SMIM1: variants seen among roughly 807,000 people sequenced by gnomAD.
The protein encoded by SMIM1 is small integral membrane protein 1 (Vel blood group).
A neutral mutation model predicts 7.7 loss-of-function variants in SMIM1; 7 were observed. The observed-to-expected ratio is 0.91, with a 90% CI of 0.52 to 1.71. The LOEUF (loss-of-function observed/expected upper bound fraction) is 1.71. Among genes scored for constraint, SMIM1 ranks in the 40% most tolerant of loss-of-function variants. SMIM1 has a pLI of 0.00. For synonymous variants in SMIM1, 41 were observed against 42.7 expected (o/e 0.96, Z 0.16); for missense variants, 95 against 102.8 (o/e 0.92, Z 0.33).
At chr1:3,774,876 C>A (rs933035763) in intron 2 of SMIM1, among the ~76,000 whole-genome samples, 2 of 152,104 alleles carry the variant, frequency 1.3e-5, no homozygotes, top group Admixed American at 6.5e-5. Context: ...CCCACCCCCC[C>A]CTCCCCTGGC....
rs1207554936 is a variant in SMIM1 at position 3,775,369 on chromosome 1, ACAGCATGC to A, written c.-4_4del. ...GCCCCGCCCCTCCCGCTGCAGCCCCACAGCATGCAGCCCCAGGAGAGCCACGTCCACTA... is the reference window on the plus strand; with the variant it reads ...GCCCCGCCCCTCCCGCTGCAGCCCCAAGCCCCAGGAGAGCCACGTCCACTA... On this transcript the variant is annotated start_lost and 5_prime_UTR_variant, in exon 3 of 4. Transcript: ENST00000642557. The surrounding 1 kb of genome is among the most constrained non-coding windows in gnomAD (Gnocchi z 5.3). The A allele has an allele frequency of 4.5e-6, 7 of 1,545,452 alleles. No individual in the cohort carries two copies. In the East Asian group the frequency reaches 9.8e-5, roughly 22 times the overall value.
chr1:3,773,795 G>A (rs1185211429), intron 2 of SMIM1, among the ~76,000 whole-genome samples: 1 of 152,194 alleles, frequency 6.6e-6, no homozygotes, highest in African/African-American at 2.4e-5. Flanking sequence ...GTTACCTGGG[G>A]CTGGCACATT....
Position 3,775,872 on chromosome 1 carries a change from T to A in SMIM1, c.188T>A (p.Ile63Asn). 6.4e-7 allele frequency: 1 copy of A among 1,550,908 alleles called. No individual in the cohort carries two copies. Among genetic ancestry groups the A allele is most frequent in the Non-Finnish European group, 8.7e-7 (1 of 1,146,916 alleles). Reference protein sequence around the residue: ...VLGGVALFWIIFILGYLTGYY... With the variant: ...VLGGVALFWINFILGYLTGYY... ...GGCGGCGTGGCCCTCTTCTGGATCA[T>A]CTTCATCCTGGGCTACCTCACAGGC... Residue 63 changes from isoleucine to asparagine, a missense_variant, in exon 4 of 4, where the codon ATC becomes AAC. By Grantham distance (149) the Ile-to-Asn change is moderately radical (BLOSUM62 -3). Transcript: ENST00000642557. This position sits in a 1 kb window ranked among gnomAD's most constrained non-coding sequence, Gnocchi z 5.3.
In SMIM1 at chr1:3,775,830, TCG is replaced by T. The variant is rs939022854; in HGVS notation, c.148_149del (p.Ala50HisfsTer?). On this transcript the variant is annotated frameshift_variant, in exon 4 of 4. Transcript: ENST00000642557. LOFTEE classifies it high-confidence loss of function. This position sits in a 1 kb window ranked among gnomAD's most constrained non-coding sequence, Gnocchi z 5.3. ...AGGCTGTGCACGGGCAAGCTGGGCATCGCCATGAAGGTGCTGGGCGGCGTGGC... is the reference window on the plus strand; with the variant it reads ...AGGCTGTGCACGGGCAAGCTGGGCATCCATGAAGGTGCTGGGCGGCGTGGC... The T allele has an allele frequency of 4.5e-6, 7 of 1,550,812 alleles. No homozygotes were observed. The Admixed American group carries it at 1.4e-4, about 30-fold the overall frequency.
Position 3,775,553 on chromosome 1 carries a change from CCCCTGCTACCGGCCCCATCA to C in SMIM1, c.110+75_110+94del. 1 of 1,390,684 alleles carries C rather than the reference CCCCTGCTACCGGCCCCATCA, an allele frequency of 7.2e-7. No individual in the cohort carries two copies. Among genetic ancestry groups the C allele is most frequent in the Non-Finnish European group, 9.8e-7 (1 of 1,020,736 alleles). The allele number at this position is 1,390,684 out of a possible 1,614,324, so 86.1% of individuals were successfully genotyped here. ...CTCCCTCCAGAGACGCCTGCCCTAA[CCCCTGCTACCGGCCCCATCA>C]CCCTCCACCCCATCCTGGCTGGGAG... On this transcript the variant is annotated intron_variant, in intron 3 of 3. Coordinates refer to ENST00000642557, the MANE Select transcript of SMIM1 (RefSeq NM_001288583.2). The surrounding 1 kb of genome is among the most constrained non-coding windows in gnomAD (Gnocchi z 5.3).
chr1:3,775,491 G>A lies in SMIM1; in HGVS notation c.110+8G>A, dbSNP rs547787287. On this transcript the variant is annotated splice_region_variant and intron_variant, in intron 3 of 3. Transcript: ENST00000642557. This position sits in a 1 kb window ranked among gnomAD's most constrained non-coding sequence, Gnocchi z 5.3. Reference sequence around the variant, plus strand: ...GGCCTCACGCTGCCGCAGGTGAGGGGCCTGAGGGCAGCCTGCCAGCCATAG... The same window carrying A: ...GGCCTCACGCTGCCGCAGGTGAGGGACCTGAGGGCAGCCTGCCAGCCATAG... 110 of 1,546,872 alleles carry A rather than the reference G, an allele frequency of 7.1e-5. No individual in the cohort carries two copies. In the East Asian group the frequency reaches 2.6e-3, roughly 36 times the overall value.
Position 3,775,577 on chromosome 1 carries a change from TC to T in SMIM1, c.110+96del. The T allele has an allele frequency of 7.7e-7, 1 of 1,299,200 alleles. No individual in the cohort carries two copies. The highest frequency in any genetic ancestry group is 1.0e-6 in the Non-Finnish European group (1 of 953,072). The allele number at this position is 1,299,200 out of a possible 1,614,324, so 80.5% of individuals were successfully genotyped here. A position where few individuals can be genotyped will look rare whatever the true frequency, so the allele number is the denominator to read the frequency against. On this transcript the variant is annotated intron_variant, in intron 3 of 3. Coordinates refer to ENST00000642557, the MANE Select transcript of SMIM1 (RefSeq NM_001288583.2). The surrounding 1 kb of genome is among the most constrained non-coding windows in gnomAD (Gnocchi z 5.3). ...ACCCCTGCTACCGGCCCCATCACCCTCCACCCCATCCTGGCTGGGAGCCCAC... is the reference window on the plus strand; with the variant it reads ...ACCCCTGCTACCGGCCCCATCACCCTCACCCCATCCTGGCTGGGAGCCCAC...
In SMIM1 at chr1:3,775,071, C is replaced by T. The variant is rs1643437279; in HGVS notation, c.-75-228C>T. ...GGAGTGTGCTGGAAGGAAACACTGG[C>T]CTCCCACATGCCTGAGGTCAGGGCT... On this transcript the variant is annotated intron_variant, in intron 2 of 3. Transcript: ENST00000642557. The surrounding 1 kb of genome is among the most constrained non-coding windows in gnomAD (Gnocchi z 5.3). Among the ~76,000 whole-genome samples, 1 of 152,144 alleles carries T rather than the reference C, an allele frequency of 6.6e-6. No homozygotes were observed. Among genetic ancestry groups the T allele is most frequent in the African/African-American group, 2.4e-5 (1 of 41,412 alleles).
rs760079589 is a variant in SMIM1 at position 3,775,941 on chromosome 1, C to T, written c.*20C>T. On this transcript the variant is annotated 3_prime_UTR_variant, in exon 4 of 4. Coordinates refer to ENST00000642557, the MANE Select transcript of SMIM1 (RefSeq NM_001288583.2). This position sits in a 1 kb window ranked among gnomAD's most constrained non-coding sequence, Gnocchi z 5.3. ...AAATAAATGCTGCCCCGCATGCACGCGGGGGGCTGGCCGCACACGTGAGAG... is the reference window on the plus strand; with the variant it reads ...AAATAAATGCTGCCCCGCATGCACGTGGGGGGCTGGCCGCACACGTGAGAG... 1.4e-4 allele frequency: 209 copies of T among 1,542,678 alleles called. No individual in the cohort carries two copies. Among genetic ancestry groups the T allele is most frequent in the Non-Finnish European group, 1.7e-4 (197 of 1,145,892 alleles).
chr1:3,774,707 C>A (rs970110842), intron 2 of SMIM1, among the ~76,000 whole-genome samples: 1 of 152,160 alleles, frequency 6.6e-6, no homozygotes, highest in Non-Finnish European at 1.5e-5. Flanking sequence ...ATCATGCCCC[C>A]CAAGCCCCAG....
At position 3,775,350 on chromosome 1, in the gene SMIM1, C is replaced by A. The variant is rs1265537205; in HGVS notation, c.-24C>A. ...TGATCTCCCCACCGAGAAGGCCCCG[C>A]CCCTCCCGCTGCAGCCCCACAGCAT... On this transcript the variant is annotated 5_prime_UTR_variant, in exon 3 of 4. Transcript: ENST00000642557. This position sits in a 1 kb window ranked among gnomAD's most constrained non-coding sequence, Gnocchi z 5.3. The A allele has an allele frequency of 5.2e-6, 8 of 1,536,232 alleles. No homozygotes were observed.
rs775193508 is a variant in SMIM1 at position 3,775,345 on chromosome 1, C to G, written c.-29C>G. 1.3e-6 allele frequency: 2 copies of G among 1,526,788 alleles called. No homozygotes were observed. Among genetic ancestry groups the G allele is most frequent in the South Asian group, 2.4e-5 (2 of 83,350 alleles). 94.6% of individuals were successfully genotyped at this position (1,526,788 alleles called of 1,614,324 possible). On this transcript the variant is annotated 5_prime_UTR_variant, in exon 3 of 4. Coordinates refer to ENST00000642557, the MANE Select transcript of SMIM1 (RefSeq NM_001288583.2). This position sits in a 1 kb window ranked among gnomAD's most constrained non-coding sequence, Gnocchi z 5.3. ...TGTCTTGATCTCCCCACCGAGAAGG[C>G]CCCGCCCCTCCCGCTGCAGCCCCAC... is the stretch of plus-strand genomic sequence containing the variant.
Position 3,775,360 on chromosome 1 carries a change from T to G in SMIM1, c.-14T>G. 1 of 1,540,562 alleles carries G rather than the reference T, an allele frequency of 6.5e-7. No individual in the cohort carries two copies. Among genetic ancestry groups the G allele is most frequent in the South Asian group, 1.2e-5 (1 of 83,590 alleles). The stretch of plus-strand genomic sequence containing the variant: ...ACCGAGAAGGCCCCGCCCCTCCCGC[T>G]GCAGCCCCACAGCATGCAGCCCCAG... On this transcript the variant is annotated 5_prime_UTR_variant, in exon 3 of 4. Transcript: ENST00000642557. The surrounding 1 kb of genome is among the most constrained non-coding windows in gnomAD (Gnocchi z 5.3).
At chr1:3,773,414 T>C (rs550839292) in intron 2 of SMIM1, among the ~76,000 whole-genome samples, 3 of 152,364 alleles carry the variant, frequency 2.0e-5, no homozygotes, top group African/African-American at 7.2e-5. Context: ...GGGCCGGCTC[T>C]GGTGGCTGTG....
rs1473323470 is a variant in SMIM1, at chr1:3,775,307, C to T, written c.-67C>T. On this transcript the variant is annotated 5_prime_UTR_variant, in exon 3 of 4. Transcript: ENST00000642557. The surrounding 1 kb of genome is among the most constrained non-coding windows in gnomAD (Gnocchi z 5.3). ...ATCCGCTTGTTTTACAGTGAAGCCA[C>T]AGCCTGGCCACCTGTCTTGATCTCC... 1 of 1,275,904 alleles carries T rather than the reference C, an allele frequency of 7.8e-7. No individual in the cohort carries two copies. The highest frequency in any genetic ancestry group is 1.1e-6 in the Non-Finnish European group (1 of 924,482). 79.0% of individuals were successfully genotyped at this position (1,275,904 alleles called of 1,614,324 possible). A position where few individuals can be genotyped will look rare whatever the true frequency, so the allele number is the denominator to read the frequency against.
chr1:3,773,643 C>A (rs1251430591), intron 2 of SMIM1, among the ~76,000 whole-genome samples: 1 of 152,176 alleles, frequency 6.6e-6, no homozygotes, highest in Non-Finnish European at 1.5e-5. Context: ...CACGTCGAGT[C>A]TGGAAGAAGG....
rs188331157 is a variant in SMIM1 at position 3,773,774 on chromosome 1, G to T, written c.-76+593G>T. On this transcript the variant is annotated intron_variant, in intron 2 of 3. Transcript: ENST00000642557. ...TGGTGGTATTAAGCTTGTCTTACCCGGGTCATGGCTGTTACCTGGGGCTGG... is the reference window on the plus strand; with the variant it reads ...TGGTGGTATTAAGCTTGTCTTACCCTGGTCATGGCTGTTACCTGGGGCTGG... Among the ~76,000 whole-genome samples, 674 of 152,312 alleles carry T rather than the reference G, an allele frequency of 4.4e-3. 1 individual carries two copies. Among genetic ancestry groups the T allele is most frequent in the African/African-American group, 0.016 (646 of 41,566 alleles).
Position 3,775,491 on chromosome 1 carries a change from G to T in SMIM1, c.110+8G>T, listed in dbSNP as rs547787287. 2 of 1,546,872 alleles carry T rather than the reference G, an allele frequency of 1.3e-6. No individual in the cohort carries two copies. Among genetic ancestry groups the T allele is most frequent in the Non-Finnish European group, 1.7e-6 (2 of 1,144,848 alleles). On this transcript the variant is annotated splice_region_variant and intron_variant, in intron 3 of 3. Coordinates refer to ENST00000642557, the MANE Select transcript of SMIM1 (RefSeq NM_001288583.2). This position sits in a 1 kb window ranked among gnomAD's most constrained non-coding sequence, Gnocchi z 5.3. ...GGCCTCACGCTGCCGCAGGTGAGGG[G>T]CCTGAGGGCAGCCTGCCAGCCATAG...
Position 3,775,477 on chromosome 1 carries a change from G to A in SMIM1, c.104G>A (p.Cys35Tyr), listed in dbSNP as rs1250301930. Residue 35 changes from cysteine to tyrosine, a missense_variant, in exon 3 of 4, where the codon TGC becomes TAC. Coordinates refer to ENST00000642557, the MANE Select transcript of SMIM1 (RefSeq NM_001288583.2). This position sits in a 1 kb window ranked among gnomAD's most constrained non-coding sequence, Gnocchi z 5.3. ...TCCAGCACAGAAGAGGCCTCACGCT[G>A]CCGCAGGTGAGGGGCCTGAGGGCAG... ...AVSSTEEASR[C>Y]RRISQRLCTG... 6.5e-7 allele frequency: 1 copy of A among 1,549,266 alleles called. No homozygotes were observed. The highest frequency in any genetic ancestry group is 2.4e-5 in the East Asian group (1 of 40,926).
Sources: gnomAD v4.1 joint callset for allele counts (sites outside exome capture counted in the v4.1 genomes callset) on GRCh38, gnomAD v4.1.1 for gene constraint, Gnocchi (gnomAD v3.1) non-coding constraint, MANE v1.5 for transcripts, NCBI Gene and HGNC (gene_info 2026-07-23, HGNC 2026-07-21) for gene names.